Variants in TAFA1 observed in about 807,000 individuals in gnomAD.
The protein encoded by TAFA1 is chemokine-like protein TAFA-1.
Under a neutral mutation model 18.5 loss-of-function variants are expected in TAFA1, and 4 were observed. The ratio of observed to expected loss-of-function variants is 0.22; its 90% CI spans 0.11 to 0.49. The LOEUF (loss-of-function observed/expected upper bound fraction) is 0.49. Among genes scored for constraint, TAFA1 ranks in the 20% least tolerant of loss-of-function variants. The probability of loss-of-function intolerance (pLI) is 0.98; values close to 1 mark genes in which losing one functional copy is unlikely to be tolerated. For missense variants in TAFA1, 147 were observed against 169.0 expected (o/e 0.87, Z 0.72); for synonymous variants, 56 against 55.2 (o/e 1.01, Z -0.06).
At chr3:68,456,485 T>A (rs2071668835) in intron 3 of TAFA1, among the ~76,000 whole-genome samples, 1 of 152,308 alleles carries the variant, frequency 6.6e-6, no homozygotes, top group Admixed American at 6.5e-5. Context: ...TTAGCAGAAG[T>A]TGCTTCTCCT....
intron 2 of TAFA1, among the ~76,000 whole-genome samples, chr3:68,286,245 A>T (rs928496881): frequency 6.6e-6 from 1 of 150,476 alleles, no homozygotes; most frequent in Non-Finnish European, 1.5e-5. Flanking sequence ...AATTTAAAAA[A>T]ATTTTTTAAA....
At chr3:68,034,940 G>A (rs1243227738) in intron 2 of TAFA1, among the ~76,000 whole-genome samples, 1 of 152,104 alleles carries the variant, frequency 6.6e-6, no homozygotes, top group African/African-American at 2.4e-5. Context: ...CAGTTGGGTG[G>A]CATCTTAGGG....
At chr3:67,999,705 T>G (rs893038440), upstream of TAFA1, among the ~76,000 whole-genome samples, 1 of 152,106 alleles carries the variant, frequency 6.6e-6, no homozygotes, top group African/African-American at 2.4e-5. Flanking sequence ...AAGTAGGCAT[T>G]GTTTAAACGG....
rs1374842418 is a variant in TAFA1, at chr3:68,362,925, A to G, written c.119-54355A>G. 2.2e-5 allele frequency among the ~76,000 whole-genome samples: 3 copies of G among 138,382 alleles called. No homozygotes were observed. In the Admixed American group the frequency reaches 2.2e-4, roughly 10 times the overall value. 90.8% of individuals were successfully genotyped at this position (138,382 alleles called of 152,430 possible). ...AACAGTTTTAAAGCACCTTAATCCC[A>G]AATTAGATTTCTTCCTTTTTTTTTT... is the stretch of plus-strand genomic sequence containing the variant. On this transcript the variant is annotated intron_variant, in intron 2 of 4. Transcript: ENST00000478136.
intron 2 of TAFA1, among the ~76,000 whole-genome samples, chr3:68,281,123 T>A (rs73836848): frequency 6.6e-6 from 1 of 152,178 alleles, no homozygotes; most frequent in Non-Finnish European, 1.5e-5. Flanking sequence ...GTTATCATTT[T>A]AATTTTTTAT....
intron 2 of TAFA1, among the ~76,000 whole-genome samples, chr3:68,405,514 G>A (rs961822964): frequency 6.7e-6 from 1 of 149,322 alleles, no homozygotes; most frequent in Non-Finnish European, 1.5e-5. Flanking sequence ...GAGTACAAAG[G>A]GAGACGCCCA....
chr3:68,440,048 C>G (rs933286231), intron 3 of TAFA1, among the ~76,000 whole-genome samples: 7 of 150,062 alleles, frequency 4.7e-5, no homozygotes. Flanking sequence ...TGTCCCCCCC[C>G]TCCAAATCTC....
At chr3:68,419,533 C>T (rs1191939896) in intron 3 of TAFA1, among the ~76,000 whole-genome samples, 1 of 152,128 alleles carries the variant, frequency 6.6e-6, no homozygotes, top group Non-Finnish European at 1.5e-5. Flanking sequence ...ATAAATCTCT[C>T]CTCCCATCTT....
intron 3 of TAFA1, among the ~76,000 whole-genome samples, chr3:68,481,601 C>T (rs1401584504): frequency 6.6e-6 from 1 of 152,198 alleles, no homozygotes; most frequent in Non-Finnish European, 1.5e-5. Context: ...ATTACTGAAA[C>T]TCTTTCTTTA....
chr3:68,012,300 T>C (rs544439398), intron 2 of TAFA1, among the ~76,000 whole-genome samples: 1 of 152,354 alleles, frequency 6.6e-6, no homozygotes, highest in South Asian at 2.1e-4. Context: ...GCTATAGTTA[T>C]TGCAACAATG....
At chr3:68,262,340 T>TATAC (rs1471279728) in intron 2 of TAFA1, among the ~76,000 whole-genome samples, 1 of 92,202 alleles carries the variant, frequency 1.1e-5, no homozygotes, top group African/African-American at 4.2e-5. Context: ...TATATATATA[T>TATAC]ATATATATAT....
intron 2 of TAFA1, among the ~76,000 whole-genome samples, chr3:68,402,103 C>T (rs1054977372): frequency 2.0e-5 from 3 of 152,062 alleles, no homozygotes; most frequent in African/African-American, 7.2e-5. Flanking sequence ...GCTACATAAC[C>T]CAGAAGACAA....
At chr3:68,040,727 C>G (rs1287411898) in intron 2 of TAFA1, among the ~76,000 whole-genome samples, 1 of 152,154 alleles carries the variant, frequency 6.6e-6, no homozygotes, top group African/African-American at 2.4e-5. Context: ...TTCAAATTCT[C>G]TGGAAGTGAG....
intron 3 of TAFA1, among the ~76,000 whole-genome samples, chr3:68,508,268 C>G (rs1461911696): frequency 6.6e-6 from 1 of 151,894 alleles, no homozygotes; most frequent in Non-Finnish European, 1.5e-5. Flanking sequence ...CTTGCTTACT[C>G]CAAATGCTGC....
At position 68,309,660 on chromosome 3, in the gene TAFA1, T is replaced by G. The variant is rs571343630; in HGVS notation, c.119-107620T>G. 3.9e-5 allele frequency among the ~76,000 whole-genome samples: 6 copies of G among 152,332 alleles called. No individual in the cohort carries two copies. In the South Asian group the frequency reaches 1.2e-3, roughly 32 times the overall value. On this transcript the variant is annotated intron_variant, in intron 2 of 4. Transcript: ENST00000478136. ...CTCAGGATTTGTATCATTTAGGATTTTGTTGGCAGTGGCAGAAGCTGCCAC... is the reference window on the plus strand; with the variant it reads ...CTCAGGATTTGTATCATTTAGGATTGTGTTGGCAGTGGCAGAAGCTGCCAC...
At chr3:68,044,434 A>T (rs1334964684) in intron 2 of TAFA1, among the ~76,000 whole-genome samples, 1 of 152,092 alleles carries the variant, frequency 6.6e-6, no homozygotes, top group Admixed American at 6.6e-5. Context: ...CTCAGAAAAA[A>T]ATCTGAACTT....
intron 2 of TAFA1, among the ~76,000 whole-genome samples, chr3:68,415,975 T>A (rs1035906261): frequency 6.6e-6 from 1 of 152,220 alleles, no homozygotes; most frequent in African/African-American, 2.4e-5. Context: ...ATCGATCTTT[T>A]GAGCCAGATC....
At chr3:68,148,615 G>A (rs961329286) in intron 2 of TAFA1, among the ~76,000 whole-genome samples, 2 of 152,070 alleles carry the variant, frequency 1.3e-5, no homozygotes, top group African/African-American at 2.4e-5. Flanking sequence ...GCTTCTCAGC[G>A]CTGTCTTTGT....
At chr3:68,360,151 G>A in intron 2 of TAFA1, among the ~76,000 whole-genome samples, 1 of 151,908 alleles carries the variant, frequency 6.6e-6, no homozygotes, top group East Asian at 1.9e-4. Flanking sequence ...TCAGTTCCAT[G>A]CCTCCTCATG....
Sources: gnomAD v4.1 joint callset for allele counts (sites outside exome capture counted in the v4.1 genomes callset) on GRCh38, gnomAD v4.1.1 for gene constraint, MANE v1.5 for transcripts, NCBI Gene and HGNC (gene_info 2026-07-23, HGNC 2026-07-21) for gene names.